TOX2: variants seen among roughly 807,000 people sequenced by gnomAD.
TOX2 encodes the protein granulosa cell HMG box 1.
In TOX2, 15 loss-of-function variants were observed where a neutral mutation model predicts 47.4. The observed-to-expected ratio is 0.32, with a 90% confidence interval of 0.21 to 0.49. The LOEUF (loss-of-function observed/expected upper bound fraction) is 0.49. Ranked by LOEUF, TOX2 falls within the 20% of genes least tolerant of loss-of-function variation. The pLI is 0.99. For synonymous variants in TOX2, 290 were observed against 296.6 expected (o/e 0.98, Z 0.23); for missense variants, 622 against 673.1 (o/e 0.92, Z 0.84).
At chr20:43,980,181 TA>T (rs1198240866) in intron 2 of TOX2, among the ~76,000 whole-genome samples, 1 of 152,094 alleles carries the variant, frequency 6.6e-6, no homozygotes, top group Non-Finnish European at 1.5e-5. Context: ...CACAATGGAG[TA>T]TTATTCAGCC....
chr20:44,029,356 G>C (rs1388901568), intron 3 of TOX2, among the ~76,000 whole-genome samples: 1 of 152,176 alleles, frequency 6.6e-6, no homozygotes, highest in Non-Finnish European at 1.5e-5. Context: ...AGAGGATGTG[G>C]TGAGGCCAGC....
At chr20:43,945,948 G>T in intron 1 of TOX2, 1 of 1,613,904 alleles carries the variant, frequency 6.2e-7, no homozygotes, top group Non-Finnish European at 8.5e-7. Flanking sequence ...TCGCGGGCGC[G>T]TTCTCTCGCT....
At chr20:43,954,669 T>A (rs1244851389) in intron 1 of TOX2, among the ~76,000 whole-genome samples, 2 of 152,210 alleles carry the variant, frequency 1.3e-5, no homozygotes, top group African/African-American at 4.8e-5. Context: ...CAGTGATTTC[T>A]CTGGGCACCT....
chr20:43,983,834 T>C (rs2070213525), intron 2 of TOX2, among the ~76,000 whole-genome samples: 1 of 152,164 alleles, frequency 6.6e-6, no homozygotes, highest in African/African-American at 2.4e-5. Context: ...GCTGTCCCAT[T>C]TTACAGAGGA....
At chr20:44,031,383 C>T (rs939336848) in intron 3 of TOX2, among the ~76,000 whole-genome samples, 5 of 152,218 alleles carry the variant, frequency 3.3e-5, no homozygotes, top group Non-Finnish European at 7.3e-5. Context: ...GTCACAGGAG[C>T]ACGCTGCATT....
chr20:44,040,364 G>T (rs549318637), intron 3 of TOX2, among the ~76,000 whole-genome samples: 1 of 152,308 alleles, frequency 6.6e-6, no homozygotes, highest in Non-Finnish European at 1.5e-5. Context: ...GGACTGGCTG[G>T]AGAGGTGGTT....
intron 1 of TOX2, among the ~76,000 whole-genome samples, chr20:43,939,072 G>T (rs1290808265): frequency 6.6e-6 from 1 of 152,174 alleles, no homozygotes; most frequent in African/African-American, 2.4e-5. Flanking sequence ...CAAAGCCCCA[G>T]CTTGGGTAAC....
At chr20:43,975,173 A>G (rs960931246) in intron 2 of TOX2, among the ~76,000 whole-genome samples, 1 of 152,050 alleles carries the variant, frequency 6.6e-6, no homozygotes, top group Admixed American at 6.6e-5. Flanking sequence ...CTGTTCTGGA[A>G]CCTACTGGAA....
chr20:44,043,855 G>T (rs1394598326), intron 3 of TOX2, among the ~76,000 whole-genome samples: 1 of 152,184 alleles, frequency 6.6e-6, no homozygotes, highest in Non-Finnish European at 1.5e-5. Context: ...CTGAAGAGTA[G>T]ACACATATAT....
At chr20:43,927,622 TTCCTCCTTCCTTCCTTCC>T (rs2069187869) in intron 1 of TOX2, among the ~76,000 whole-genome samples, 5 of 80,772 alleles carry the variant, frequency 6.2e-5, no homozygotes, top group African/African-American at 4.4e-4. Context: ...CCTTCCTTCC[TTCCTCCTTCCTTCCTTCC>T]TCCCCTTCCC....
At chr20:44,067,664 C>T (rs961322445) in intron 8 of TOX2, among the ~76,000 whole-genome samples, 5 of 152,120 alleles carry the variant, frequency 3.3e-5, no homozygotes, top group African/African-American at 1.2e-4. Flanking sequence ...CTTTCAAACC[C>T]ATGCTAACAC....
Position 44,068,986 on chromosome 20 carries a change from C to T in TOX2, c.*300C>T, listed in dbSNP as rs1600811446. On this transcript the variant is annotated 3_prime_UTR_variant, in exon 9 of 9. Coordinates refer to ENST00000341197, the MANE Select transcript of TOX2 (RefSeq NM_001098797.2). Reference sequence around the variant, plus strand: ...GCACGGTACCCTATGTCTGGACACCCGGCCCCAGCTCCAGCCCCAGCCCAG... The same window carrying T: ...GCACGGTACCCTATGTCTGGACACCTGGCCCCAGCTCCAGCCCCAGCCCAG... 5.7e-6 allele frequency: 3 copies of T among 525,938 alleles called. No individual in the cohort carries two copies. Among genetic ancestry groups the T allele is most frequent in the East Asian group, 4.2e-5 (1 of 23,778 alleles). 32.6% of individuals were successfully genotyped at this position (525,938 alleles called of 1,614,324 possible). A position where few individuals can be genotyped will look rare whatever the true frequency, so the allele number is the denominator to read the frequency against.
At chr20:44,055,447 G>A (rs2071599586) in intron 5 of TOX2, among the ~76,000 whole-genome samples, 1 of 152,176 alleles carries the variant, frequency 6.6e-6, no homozygotes, top group Non-Finnish European at 1.5e-5. Flanking sequence ...TGGTAAGGAA[G>A]GAGGCTGGAA....
intron 1 of TOX2, among the ~76,000 whole-genome samples, chr20:43,970,017 C>G (rs1475694140): frequency 6.6e-6 from 1 of 152,168 alleles, no homozygotes; most frequent in Non-Finnish European, 1.5e-5. Context: ...TGGATAATTC[C>G]TCCCTCTCCT....
intron 1 of TOX2, among the ~76,000 whole-genome samples, chr20:43,941,504 C>T (rs938705850): frequency 2.6e-5 from 4 of 151,900 alleles, no homozygotes; most frequent in South Asian, 4.2e-4. Flanking sequence ...GGCTAATTTT[C>T]GTATTTTTAG....
chr20:44,054,635 TACAGA>T, intron 5 of TOX2, 109 bp downstream of exon 5: 1 of 1,195,400 alleles, frequency 8.4e-7, no homozygotes, highest in East Asian at 2.5e-5. Flanking sequence ...TAGAGACTCT[TACAGA>T]GGTCTTTCCT....
intron 1 of TOX2, among the ~76,000 whole-genome samples, chr20:43,962,230 T>C (rs991023177): frequency 8.5e-5 from 13 of 152,150 alleles, no homozygotes; most frequent in African/African-American, 2.9e-4. Context: ...CAGGCCTCCA[T>C]GCTATCTATG....
rs554645028 is a variant in TOX2 at position 43,974,097 on chromosome 20, G to A, written c.165+665G>A. On this transcript the variant is annotated intron_variant, in intron 2 of 8. Coordinates refer to ENST00000341197, the MANE Select transcript of TOX2 (RefSeq NM_001098797.2). ...CACTATAGACTATGATGCCACAGAG[G>A]GTCCTTGCTGCAGGCTGAGGGTCCA... 1.5e-4 allele frequency among the ~76,000 whole-genome samples: 23 copies of A among 152,262 alleles called. No individual in the cohort carries two copies. The South Asian group carries it at 4.8e-3, about 32-fold the overall frequency.
chr20:43,952,769 G>T (rs939300446), intron 1 of TOX2, among the ~76,000 whole-genome samples: 1 of 152,200 alleles, frequency 6.6e-6, no homozygotes. Flanking sequence ...GCCCTCTCCA[G>T]ACATATAGGC....
Sources: allele counts gnomAD v4.1 joint callset (sites outside exome capture counted in the v4.1 genomes callset), GRCh38; gene constraint gnomAD v4.1.1; transcripts MANE v1.5; gene names NCBI Gene and HGNC (gene_info 2026-07-23, HGNC 2026-07-21).